PRKAG2: variants seen among roughly 807,000 people sequenced by gnomAD.
PRKAG2 encodes the protein protein kinase AMP-activated non-catalytic subunit gamma 2, also known as 5'-AMP-activated protein kinase subunit gamma-2.
Under a neutral mutation model 69.6 loss-of-function variants are expected in PRKAG2, and 26 were observed. The observed-to-expected ratio is 0.37, with a 90% CI of 0.27 to 0.52. The LOEUF (loss-of-function observed/expected upper bound fraction) is 0.52, where lower values mean the gene tolerates loss of function less well. Ranked by LOEUF, PRKAG2 falls within the 20% of genes least tolerant of loss-of-function variation. The pLI is 0.90. For missense variants in PRKAG2, 557 were observed against 740.0 expected, an observed-to-expected ratio of 0.75 and a Z score of 2.87; for synonymous variants, 293 against 285.0, an observed-to-expected ratio of 1.03 and a Z score of -0.28.
intron 3 of PRKAG2, among the ~76,000 whole-genome samples, chr7:151,721,791 T>C (rs1256500792): frequency 6.6e-6 from 1 of 152,160 alleles, no homozygotes; most frequent in Non-Finnish European, 1.5e-5. Context: ...TTTGCTTTCA[T>C]AGACGTTATC....
intron 3 of PRKAG2, among the ~76,000 whole-genome samples, chr7:151,751,045 T>C (rs1316890266): frequency 6.6e-6 from 1 of 152,154 alleles, no homozygotes; most frequent in Non-Finnish European, 1.5e-5. Flanking sequence ...GCTATTTTCA[T>C]GTCTTTTGAG....
chr7:151,674,166 T>C (rs928732488), intron 4 of PRKAG2, among the ~76,000 whole-genome samples: 2 of 152,048 alleles, frequency 1.3e-5, no homozygotes, highest in African/African-American at 4.8e-5. Context: ...AGAAGGAAAT[T>C]GGGATGCAAA....
At chr7:151,611,714 G>A (rs1310489140) in intron 5 of PRKAG2, among the ~76,000 whole-genome samples, 1 of 152,092 alleles carries the variant, frequency 6.6e-6, no homozygotes, top group East Asian at 1.9e-4. Flanking sequence ...ACGTGGGGTG[G>A]TCCAGATCTC....
At chr7:151,815,319 T>A (rs1037205001) in intron 1 of PRKAG2, among the ~76,000 whole-genome samples, 1 of 152,178 alleles carries the variant, frequency 6.6e-6, no homozygotes, top group African/African-American at 2.4e-5. Flanking sequence ...CTGGAGGGAC[T>A]GCCCTCCCAG....
chr7:151,735,003 C>T (rs925288544), intron 3 of PRKAG2, among the ~76,000 whole-genome samples: 5 of 151,936 alleles, frequency 3.3e-5, no homozygotes, highest in African/African-American at 9.7e-5. Flanking sequence ...TATATGCGCA[C>T]GCCACCACGC....
intron 1 of PRKAG2, among the ~76,000 whole-genome samples, chr7:151,869,920 G>T (rs2080173984): frequency 6.6e-6 from 1 of 152,214 alleles, no homozygotes. Flanking sequence ...CATCTAAGAT[G>T]CATGAAGCCA....
chr7:151,858,953 T>G (rs1172044114), intron 1 of PRKAG2, among the ~76,000 whole-genome samples: 1 of 152,194 alleles, frequency 6.6e-6, no homozygotes, highest in African/African-American at 2.4e-5. Context: ...CCTGCTCCTC[T>G]GCAAGGCTGG....
At chr7:151,857,586 C>T (rs918158427) in intron 1 of PRKAG2, among the ~76,000 whole-genome samples, 6 of 152,180 alleles carry the variant, frequency 3.9e-5, no homozygotes, top group African/African-American at 7.2e-5. Flanking sequence ...GCTTGATGCC[C>T]GGCTGTGCCA....
intron 6 of PRKAG2, 59 bp from the exon 7 acceptor site, chr7:151,576,511 T>C: frequency 1.4e-6 from 2 of 1,423,618 alleles, no homozygotes; most frequent in African/African-American, 1.4e-5. Flanking sequence ...AAAATACCTT[T>C]TTTTTTTGAG....
chr7:151,767,837 A>G (rs61622684), intron 3 of PRKAG2, among the ~76,000 whole-genome samples: 106,157 of 151,594 alleles, frequency 0.7, 37,707 homozygotes, highest in East Asian at 0.98. Context: ...GAACTGGCCA[A>G]AAGCTCTGGT....
At chr7:151,694,881 AACACCGCACCC>A (rs1836333389) in intron 3 of PRKAG2, among the ~76,000 whole-genome samples, 1 of 152,182 alleles carries the variant, frequency 6.6e-6, no homozygotes, top group African/African-American at 2.4e-5. Flanking sequence ...ATCCGATGCA[AACACCGCACCC>A]ACACGTTTCC....
At chr7:151,805,926 C>T (rs1185448229) in intron 1 of PRKAG2, among the ~76,000 whole-genome samples, 4 of 152,224 alleles carry the variant, frequency 2.6e-5, no homozygotes, top group Non-Finnish European at 4.4e-5. Flanking sequence ...AGGCTGGGCA[C>T]AGTGGCTCAC....
intron 1 of PRKAG2, among the ~76,000 whole-genome samples, chr7:151,819,649 A>C (rs913453214): frequency 6.6e-6 from 1 of 152,204 alleles, no homozygotes; most frequent in African/African-American, 2.4e-5. Flanking sequence ...AAACAAAAAC[A>C]AACCAACCCC....
intron 3 of PRKAG2, among the ~76,000 whole-genome samples, chr7:151,772,680 C>T (rs751893858): frequency 1.1e-4 from 16 of 152,036 alleles, no homozygotes; most frequent in African/African-American, 2.7e-4. Context: ...TAGTTCCACA[C>T]GGAAATTATT....
At chr7:151,588,864 G>C (rs541899748) in intron 6 of PRKAG2, among the ~76,000 whole-genome samples, 1 of 152,246 alleles carries the variant, frequency 6.6e-6, no homozygotes, top group African/African-American at 2.4e-5. Context: ...ATGAAAACAG[G>C]CTAATACACT....
intron 4 of PRKAG2, among the ~76,000 whole-genome samples, chr7:151,670,006 G>GCA (rs1831723800): frequency 1.2e-5 from 1 of 80,978 alleles, no homozygotes; most frequent in African/African-American, 5.7e-5. Flanking sequence ...ATACACACCT[G>GCA]TGCACACACC....
At chr7:151,684,959 A>G (rs1030982270) in intron 3 of PRKAG2, among the ~76,000 whole-genome samples, 37 of 152,254 alleles carry the variant, frequency 2.4e-4, no homozygotes, top group African/African-American at 8.9e-4. Flanking sequence ...CAGGTGCCAC[A>G]CGTCAGTTCA....
chr7:151,784,922 C>T (rs1056215404), intron 2 of PRKAG2, among the ~76,000 whole-genome samples: 3 of 152,216 alleles, frequency 2.0e-5, no homozygotes, highest in African/African-American at 7.2e-5. Context: ...GATCACACTC[C>T]CAGACGGTGG....
intron 4 of PRKAG2, among the ~76,000 whole-genome samples, chr7:151,648,670 G>A (rs912123618): frequency 2.0e-5 from 3 of 152,102 alleles, no homozygotes; most frequent in African/African-American, 7.2e-5. Context: ...CCCACTCATG[G>A]GTCATGAAAT....
Sources: allele counts gnomAD v4.1 joint callset (sites outside exome capture counted in the v4.1 genomes callset), GRCh38; gene constraint gnomAD v4.1.1; transcripts MANE v1.5; gene names NCBI Gene and HGNC (gene_info 2026-07-23, HGNC 2026-07-21).